The following CRISPLD2 variants were observed in gnomAD, a reference collection of about 807,000 sequenced individuals.
CRISPLD2 encodes the protein cysteine rich secretory protein LCCL domain containing 2.
In CRISPLD2, 47 loss-of-function variants were observed where a neutral mutation model predicts 71.1. The observed-to-expected ratio is 0.66, with a 90% CI of 0.52 to 0.84. The LOEUF (loss-of-function observed/expected upper bound fraction) is 0.84. CRISPLD2 is among the 40% of genes least tolerant of loss of function. The pLI is 0.00. For synonymous variants in CRISPLD2, 317 were observed against 250.1 expected (o/e 1.27, Z -2.52); for missense variants, 830 against 651.1 (o/e 1.27, Z -2.99).
chr16:84,836,161 C>G lies in CRISPLD2; in HGVS notation c.-74-2261C>G, dbSNP rs374795329. The G allele has an allele frequency of 7.2e-5, 11 of 152,142 alleles. No individual in the cohort carries two copies. In the East Asian group the frequency reaches 7.7e-4, roughly 11 times the overall value. The allele number at this position is 152,142 out of a possible 1,614,324, so 9.4% of individuals were successfully genotyped here. On this transcript the variant is annotated intron_variant, in intron 1 of 14. Transcript: ENST00000262424. Reference sequence around the variant, plus strand: ...GTATAAGGTGTATCTCAAACATCAACAAATTTTGTGTTTAGATTGGGTCTT... The same window carrying G: ...GTATAAGGTGTATCTCAAACATCAAGAAATTTTGTGTTTAGATTGGGTCTT...
At chr16:84,893,871 G>A (rs1370050481) in intron 14 of CRISPLD2, among the ~76,000 whole-genome samples, 1 of 152,230 alleles carries the variant, frequency 6.6e-6, no homozygotes, top group African/African-American at 2.4e-5. Context: ...TGGAGTCAGA[G>A]GGTGGCTCTG....
chr16:84,848,081 C>T lies in CRISPLD2; in HGVS notation c.360-1304C>T, dbSNP rs781447380. Among the ~76,000 whole-genome samples the T allele has an allele frequency of 1.6e-4, 24 of 152,210 alleles. 1 individual carries two copies. The highest frequency in any genetic ancestry group is 2.5e-4 in the Non-Finnish European group (17 of 68,042). On this transcript the variant is annotated intron_variant, in intron 3 of 14. Coordinates refer to ENST00000262424, the MANE Select transcript of CRISPLD2 (RefSeq NM_031476.4). ...CCCCTTTCTTAAGGAATTTTGCTAA[C>T]TTGCTTTGCAAAAGAGCCCCTGACT...
chr16:84,887,501 G>C (rs1421940361), intron 13 of CRISPLD2, among the ~76,000 whole-genome samples: 1 of 152,254 alleles, frequency 6.6e-6, no homozygotes, highest in Admixed American at 6.5e-5. Flanking sequence ...GCCGGGGACT[G>C]ATCAGGCGAG....
chr16:84,877,808 C>G (rs2071533073), intron 12 of CRISPLD2, among the ~76,000 whole-genome samples: 1 of 152,030 alleles, frequency 6.6e-6, no homozygotes, highest in African/African-American at 2.4e-5. Context: ...TGAGATCACG[C>G]CATTGTCCTC....
At chr16:84,839,066 T>G in intron 2 of CRISPLD2, 1 of 411,866 alleles carries the variant, frequency 2.4e-6, no homozygotes, top group Non-Finnish European at 4.7e-6. Context: ...TTAAATATTT[T>G]GTGGAGATGG....
intron 14 of CRISPLD2, among the ~76,000 whole-genome samples, chr16:84,892,755 C>T (rs1323742362): frequency 2.6e-5 from 4 of 152,014 alleles, no homozygotes; most frequent in African/African-American, 7.2e-5. Flanking sequence ...ACGGGCAGAT[C>T]ACTTGAGGTC....
At chr16:84,898,708 T>G (rs1466889587) in intron 14 of CRISPLD2, among the ~76,000 whole-genome samples, 1 of 152,222 alleles carries the variant, frequency 6.6e-6, no homozygotes, top group Non-Finnish European at 1.5e-5. Context: ...CTGGTCTTGT[T>G]AACCCCACAG....
chr16:84,896,187 G>A (rs1419440513), intron 14 of CRISPLD2, among the ~76,000 whole-genome samples: 5 of 151,880 alleles, frequency 3.3e-5, no homozygotes, highest in South Asian at 4.2e-4. Context: ...ACAGGCACCC[G>A]CCACCACACC....
intron 14 of CRISPLD2, among the ~76,000 whole-genome samples, chr16:84,903,849 C>G (rs113173072): frequency 6.0e-4 from 91 of 152,274 alleles, no homozygotes; most frequent in African/African-American, 2.1e-3. Flanking sequence ...GTGTGGACCT[C>G]AGATAAGAAC....
chr16:84,881,502 C>T (rs554986593), intron 13 of CRISPLD2, among the ~76,000 whole-genome samples: 2 of 152,324 alleles, frequency 1.3e-5, no homozygotes, highest in South Asian at 4.1e-4. Flanking sequence ...CTTCTGCTGC[C>T]AGCAGGCTGT....
chr16:84,838,315 A>G lies in CRISPLD2; in HGVS notation c.-74-107A>G, dbSNP rs149066789. 4.5e-4 allele frequency: 317 copies of G among 710,796 alleles called. 2 individuals are homozygous for G. The highest frequency in any genetic ancestry group is 3.5e-3 in the East Asian group (138 of 39,318). 44.0% of individuals were successfully genotyped at this position (710,796 alleles called of 1,614,324 possible). On this transcript the variant is annotated intron_variant, in intron 1 of 14. Transcript: ENST00000262424. ...AGCTTCTGTGGGCCTCAGTTTCCGCATCTGTAAAATGGAGAGAGTCGTGTG... is the reference window on the plus strand; with the variant it reads ...AGCTTCTGTGGGCCTCAGTTTCCGCGTCTGTAAAATGGAGAGAGTCGTGTG...
chr16:84,877,842 GT>G (rs1474362037), intron 12 of CRISPLD2, among the ~76,000 whole-genome samples: 2 of 150,954 alleles, frequency 1.3e-5, no homozygotes, highest in Non-Finnish European at 3.0e-5. Flanking sequence ...GAGTGAAACT[GT>G]GTCCCAAAAT....
chr16:84,873,989 C>T (rs368395135), intron 11 of CRISPLD2, 26 bp downstream of exon 11: 21 of 1,579,008 alleles, frequency 1.3e-5, no homozygotes, highest in Non-Finnish European at 1.7e-5. Context: ...TCTTTTGCGA[C>T]CATAATACCT....
intron 7 of CRISPLD2, 32 bp from the exon 8 acceptor site, chr16:84,868,819 C>G (rs575567977): frequency 6.3e-7 from 1 of 1,590,236 alleles, no homozygotes; most frequent in Non-Finnish European, 8.6e-7. Context: ...TGGTTTCGTG[C>G]CGTGACATGT....
intron 1 of CRISPLD2, 24 bp from the exon 2 acceptor site, chr16:84,838,398 C>A: frequency 6.8e-7 from 1 of 1,477,124 alleles, no homozygotes; most frequent in South Asian, 1.3e-5. Flanking sequence ...GCGACTTCTC[C>A]CACCACCCTC....
intron 14 of CRISPLD2, among the ~76,000 whole-genome samples, chr16:84,895,405 A>G (rs1227818778): frequency 6.6e-6 from 1 of 152,218 alleles, no homozygotes; most frequent in Non-Finnish European, 1.5e-5. Flanking sequence ...TGTCTTTACG[A>G]TACAAGAAAT....
At chr16:84,849,654 G>A (rs1597457299) in intron 4 of CRISPLD2, 137 bp downstream of exon 4, 2 of 854,766 alleles carry the variant, frequency 2.3e-6, no homozygotes, top group East Asian at 5.2e-5. Flanking sequence ...GTTCTATACA[G>A]AGTACAGCTG....
At chr16:84,873,833 T>A in intron 10 of CRISPLD2, 87 bp from the exon 11 acceptor site, 6 of 1,225,768 alleles carry the variant, frequency 4.9e-6, no homozygotes, top group Non-Finnish European at 6.9e-6. Flanking sequence ...GCAAATAAGA[T>A]AAGTATAGGA....
intron 12 of CRISPLD2, among the ~76,000 whole-genome samples, chr16:84,880,220 T>A (rs191713198): frequency 6.6e-6 from 1 of 152,324 alleles, no homozygotes; most frequent in East Asian, 1.9e-4. Flanking sequence ...TCCACACTCT[T>A]CTCTCTTAGA....
Sources: allele counts gnomAD v4.1 joint callset (sites outside exome capture counted in the v4.1 genomes callset), GRCh38; gene constraint gnomAD v4.1.1; transcripts MANE v1.5; gene names NCBI Gene and HGNC (gene_info 2026-07-23, HGNC 2026-07-21).